The following GRID2 variants were observed in gnomAD, a reference collection of about 807,000 sequenced individuals.
GRID2 encodes glutamate ionotropic receptor delta type subunit 2.
GRID2 carries 33 observed loss-of-function variants against 114.8 expected under a neutral mutation model. That is an observed-to-expected ratio of 0.29 (90% CI 0.22 to 0.38). The LOEUF is 0.38. Ranked by LOEUF, GRID2 falls within the 10% of genes least tolerant of loss-of-function variation. The pLI, the probability that GRID2 is intolerant of heterozygous loss-of-function variation, is 1.00. For missense variants in GRID2, 1,184 were observed against 1,257.7 expected, an observed-to-expected ratio of 0.94 and a Z score of 0.89; for synonymous variants, 505 against 449.9, an observed-to-expected ratio of 1.12 and a Z score of -1.55.
chr4:92,900,936 C>CTGTGTGTGTGTGTGTGTGTGTGTGTGTG (rs67753622), intron 2 of GRID2, among the ~76,000 whole-genome samples: 4 of 149,776 alleles, frequency 2.7e-5, no homozygotes, highest in African/African-American at 9.9e-5. Context: ...TAGTATTCGT[C>CTGTGTGTGTGTGTGTGTGTGTGTGTGTG]TGTGTGTGTG....
At chr4:93,733,597 T>C (rs1476113626) in intron 14 of GRID2, among the ~76,000 whole-genome samples, 1 of 152,116 alleles carries the variant, frequency 6.6e-6, no homozygotes, top group African/African-American at 2.4e-5. Flanking sequence ...TACCTACCTG[T>C]CTATAAATAC....
At chr4:92,486,845 A>G (rs1722922553) in intron 1 of GRID2, among the ~76,000 whole-genome samples, 1 of 151,992 alleles carries the variant, frequency 6.6e-6, no homozygotes, top group South Asian at 2.1e-4. Context: ...ATCTCTAAAA[A>G]ATTTTTAATA....
At chr4:93,275,423 G>A (rs930269403) in intron 8 of GRID2, among the ~76,000 whole-genome samples, 1 of 88,006 alleles carries the variant, frequency 1.1e-5, no homozygotes, top group Non-Finnish European at 2.1e-5. Context: ...ATTTCTGTTG[G>A]ATATATACAT....
intron 13 of GRID2, among the ~76,000 whole-genome samples, chr4:93,584,650 A>C (rs1327198059): frequency 1.3e-5 from 2 of 152,162 alleles, no homozygotes; most frequent in African/African-American, 2.4e-5. Flanking sequence ...ATAAGCTCTT[A>C]ATATAAGCTC....
chr4:92,999,830 A>G (rs147776948), intron 2 of GRID2, among the ~76,000 whole-genome samples: 5 of 151,760 alleles, frequency 3.3e-5, no homozygotes, highest in Admixed American at 1.3e-4. Context: ...CTCTCCAAAA[A>G]GATTTTACTA....
chr4:92,627,427 A>T (rs187962314), intron 2 of GRID2, among the ~76,000 whole-genome samples: 1 of 152,084 alleles, frequency 6.6e-6, no homozygotes, highest in African/African-American at 2.4e-5. Context: ...TGTTATATAT[A>T]TGTGTTTATT....
At chr4:93,505,808 G>T (rs1728573483) in intron 12 of GRID2, among the ~76,000 whole-genome samples, 1 of 151,918 alleles carries the variant, frequency 6.6e-6, no homozygotes, top group African/African-American at 2.4e-5. Context: ...AGAGTTTTGA[G>T]GTTTGTGGTA....
At chr4:93,164,185 A>G (rs2149412529) in intron 4 of GRID2, among the ~76,000 whole-genome samples, 1 of 152,166 alleles carries the variant, frequency 6.6e-6, no homozygotes, top group Admixed American at 6.6e-5. Flanking sequence ...TTAGAAAAGA[A>G]AATAAACAGA....
intron 1 of GRID2, among the ~76,000 whole-genome samples, chr4:92,452,958 G>C (rs1463009032): frequency 6.6e-6 from 1 of 151,082 alleles, no homozygotes; most frequent in East Asian, 1.9e-4. Context: ...GTGTGTGTGT[G>C]TGTGTGTGCA....
chr4:92,651,207 C>A (rs1731913869), intron 2 of GRID2, among the ~76,000 whole-genome samples: 1 of 152,004 alleles, frequency 6.6e-6, no homozygotes, highest in African/African-American at 2.4e-5. Context: ...TAAAACACTG[C>A]CCCTTCCATG....
chr4:92,417,971 G>A (rs546880392), intron 1 of GRID2, among the ~76,000 whole-genome samples: 1 of 152,256 alleles, frequency 6.6e-6, no homozygotes, highest in Non-Finnish European at 1.5e-5. Flanking sequence ...CCATGATTGT[G>A]AGGACTCCCC....
chr4:92,352,216 G>A (rs1325429089), intron 1 of GRID2, among the ~76,000 whole-genome samples: 1 of 151,586 alleles, frequency 6.6e-6, no homozygotes, highest in Non-Finnish European at 1.5e-5. Context: ...TGGCATTGTG[G>A]TTTTGATTTA....
At position 93,701,630 on chromosome 4, in the gene GRID2, A is replaced by G. The variant is rs1396147074; in HGVS notation, c.2361-67580A>G. 2.0e-5 allele frequency among the ~76,000 whole-genome samples: 3 copies of G among 152,202 alleles called. No individual in the cohort carries two copies. In the South Asian group the frequency reaches 6.2e-4, roughly 32 times the overall value. On this transcript the variant is annotated intron_variant, in intron 14 of 15. Transcript: ENST00000282020. ...GAAACAGACCATTTTGATAAGTTCA[A>G]GAACATTAACTTTTTTTTCTCTTTA...
chr4:93,140,423 G>T (rs190475321), intron 4 of GRID2, among the ~76,000 whole-genome samples: 2 of 152,054 alleles, frequency 1.3e-5, no homozygotes, highest in South Asian at 2.1e-4. Context: ...CTCCCAAAGT[G>T]CTGGGATTAC....
intron 8 of GRID2, among the ~76,000 whole-genome samples, chr4:93,242,454 A>T (rs1747647724): frequency 6.6e-6 from 1 of 151,922 alleles, no homozygotes; most frequent in South Asian, 2.1e-4. Context: ...TCATCGGGTT[A>T]TTTTTGTTTT....
chr4:93,791,639 C>A (rs964657246), intron 1 of GRID2, among the ~76,000 whole-genome samples: 2 of 152,176 alleles, frequency 1.3e-5, no homozygotes, highest in Admixed American at 6.5e-5. Flanking sequence ...CAGTTCCTTG[C>A]ACCCTGAATG....
At chr4:93,164,714 T>C (rs1159473334) in intron 4 of GRID2, 14 of 438,298 alleles carry the variant, frequency 3.2e-5, no homozygotes, top group Middle Eastern at 3.3e-4. Context: ...ATGCTTAATT[T>C]TTTTCCTTTC....
At chr4:92,396,085 A>C (rs1396214307) in intron 1 of GRID2, among the ~76,000 whole-genome samples, 1 of 151,928 alleles carries the variant, frequency 6.6e-6, no homozygotes, top group Non-Finnish European at 1.5e-5. Context: ...AAACTGATTT[A>C]AAATAAAGTG....
intron 1 of GRID2, among the ~76,000 whole-genome samples, chr4:92,587,197 G>T (rs1013097856): frequency 6.6e-6 from 1 of 150,630 alleles, no homozygotes; most frequent in African/African-American, 2.4e-5. Context: ...TCCCATGAAG[G>T]TTATAAAATA....
Sources: allele counts gnomAD v4.1 joint callset (sites outside exome capture counted in the v4.1 genomes callset), GRCh38; gene constraint gnomAD v4.1.1; transcripts MANE v1.5; gene names NCBI Gene and HGNC (gene_info 2026-07-23, HGNC 2026-07-21).